The following ARFGEF2 variants were observed in gnomAD, a reference collection of about 807,000 sequenced individuals.
ARFGEF2 encodes brefeldin A-inhibited guanine nucleotide-exchange protein 2.
ARFGEF2 carries 74 observed loss-of-function variants against 219.9 expected under a neutral mutation model. That is an observed-to-expected ratio of 0.34 (90% CI 0.28 to 0.41). The LOEUF (loss-of-function observed/expected upper bound fraction) is 0.41. Among genes scored for constraint, ARFGEF2 ranks in the 10% least tolerant of loss-of-function variants. ARFGEF2 has a pLI of 1.00. For missense variants in ARFGEF2, 1,743 were observed against 2,218.3 expected (o/e 0.79, Z 4.30); for synonymous variants, 733 against 799.2 (o/e 0.92, Z 1.40).
chr20:48,935,085 T>G (rs140468301), intron 1 of ARFGEF2, among the ~76,000 whole-genome samples: 1,866 of 124,254 alleles, frequency 0.015, 17 homozygotes, highest in Non-Finnish European at 0.023. Context: ...TGGTTTTGAT[T>G]TGCATTTCTC....
At position 49,035,992 on chromosome 20, in the gene ARFGEF2, T is replaced by TG. The variant is rs1385770474; in HGVS notation, c.*2794dup. The TG allele has an allele frequency of 5.8e-6, 2 of 347,580 alleles. No homozygotes were observed. The highest frequency in any genetic ancestry group is 5.0e-5 in the Admixed American group (1 of 20,148). The allele number at this position is 347,580 out of a possible 1,614,324, so 21.5% of individuals were successfully genotyped here. A position where few individuals can be genotyped will look rare whatever the true frequency, so the allele number is the denominator to read the frequency against. The stretch of plus-strand genomic sequence containing the variant: ...TCTGGCAGGTGACTTTTGTACGAAA[T>TG]GAAAAAAAAAAAACCTGTATTTTTT... On this transcript the variant is annotated 3_prime_UTR_variant, in exon 39 of 39. Coordinates refer to ENST00000371917, the MANE Select transcript of ARFGEF2 (RefSeq NM_006420.3).
chr20:49,033,010 C>T lies in ARFGEF2; in HGVS notation c.5182-13C>T, dbSNP rs371692442. On this transcript the variant is annotated splice_polypyrimidine_tract_variant and intron_variant, in intron 38 of 38. Coordinates refer to ENST00000371917, the MANE Select transcript of ARFGEF2 (RefSeq NM_006420.3). ...AAATTGTCTAATTTTATCTGTTTCT[C>T]TCCCACCTCAAGTTCAAAGCACATG... The T allele has an allele frequency of 2.5e-6, 4 of 1,613,452 alleles. No homozygotes were observed. Among genetic ancestry groups the T allele is most frequent in the Non-Finnish European group, 3.4e-6 (4 of 1,179,520 alleles).
intron 37 of ARFGEF2, among the ~76,000 whole-genome samples, chr20:49,029,595 A>ATT (rs71184247): frequency 1.4e-5 from 2 of 147,068 alleles, no homozygotes; most frequent in African/African-American, 5.0e-5. Flanking sequence ...TTAAAAGTGA[A>ATT]TTTTTTTTTT....
At chr20:48,953,138 G>A (rs1215826924) in intron 5 of ARFGEF2, among the ~76,000 whole-genome samples, 1 of 150,664 alleles carries the variant, frequency 6.6e-6, no homozygotes, top group Admixed American at 6.6e-5. Flanking sequence ...CTTTTGGCTG[G>A]AATTTTTCTT....
intron 30 of ARFGEF2, 113 bp from the exon 31 acceptor site, chr20:49,016,167 C>A: frequency 9.2e-7 from 1 of 1,084,938 alleles, no homozygotes; most frequent in Non-Finnish European, 1.4e-6. Flanking sequence ...AAGACGTATT[C>A]TTGATACATA....
intron 14 of ARFGEF2, among the ~76,000 whole-genome samples, chr20:48,981,275 A>AGCC (rs2091294043): frequency 6.6e-6 from 1 of 152,158 alleles, no homozygotes; most frequent in African/African-American, 2.4e-5. Flanking sequence ...TCTGGGTTGA[A>AGCC]AGTTCTTTTC....
intron 1 of ARFGEF2, among the ~76,000 whole-genome samples, chr20:48,927,032 G>A (rs965047144): frequency 5.9e-5 from 9 of 152,190 alleles, no homozygotes; most frequent in African/African-American, 2.2e-4. Context: ...GGGTTGAGGC[G>A]TGGGAGGTGA....
intron 8 of ARFGEF2, among the ~76,000 whole-genome samples, chr20:48,968,229 G>C (rs1168765747): frequency 6.6e-6 from 1 of 151,992 alleles, no homozygotes; most frequent in Non-Finnish European, 1.5e-5. Context: ...TCCTGACCTC[G>C]TGATTCGCCC....
At chr20:48,929,414 T>C (rs2090899474) in intron 1 of ARFGEF2, among the ~76,000 whole-genome samples, 2 of 152,230 alleles carry the variant, frequency 1.3e-5, no homozygotes, top group Admixed American at 1.3e-4. Flanking sequence ...ACCCAACATT[T>C]ATTCAGAAGA....
At chr20:48,933,964 A>G (rs2090930387) in intron 1 of ARFGEF2, among the ~76,000 whole-genome samples, 1 of 152,024 alleles carries the variant, frequency 6.6e-6, no homozygotes, top group Non-Finnish European at 1.5e-5. Context: ...TACTAAAAAT[A>G]TAAAAATTAA....
chr20:48,994,722 C>A, intron 22 of ARFGEF2, 124 bp downstream of exon 22: 2 of 1,400,310 alleles, frequency 1.4e-6, no homozygotes, highest in Non-Finnish European at 2.0e-6. Context: ...TGACAGTGTT[C>A]ATGAATGCAA....
At position 49,005,055 on chromosome 20, in the gene ARFGEF2, C is replaced by G; in HGVS notation, c.3433-15C>G. 2 of 1,614,110 alleles carry G rather than the reference C, an allele frequency of 1.2e-6. No homozygotes were observed. The highest frequency in any genetic ancestry group is 1.1e-5 in the South Asian group (1 of 91,078). ...ACACTATACCTGTTTCACATCAGTT[C>G]CTGTTCTTGTTCAGGTTGGCTGCAA... On this transcript the variant is annotated splice_polypyrimidine_tract_variant and intron_variant, in intron 25 of 38. Transcript: ENST00000371917.
At chr20:48,989,177 G>A (rs1271811685) in intron 18 of ARFGEF2, 108 bp from the exon 19 acceptor site, 1 of 1,261,952 alleles carries the variant, frequency 7.9e-7, no homozygotes, top group Non-Finnish European at 1.1e-6. Flanking sequence ...TCACGAGATG[G>A]TTGGGAGGAT....
Position 48,999,178 on chromosome 20 carries a change from C to T in ARFGEF2, c.3432+673C>T, listed in dbSNP as rs147073522. 708 of 405,824 alleles carry T rather than the reference C, an allele frequency of 1.7e-3. 6 individuals carry two copies. The highest frequency in any genetic ancestry group is 0.013 in the African/African-American group (644 of 47,962). The allele number at this position is 405,824 out of a possible 1,614,324, so 25.1% of individuals were successfully genotyped here. Reference sequence around the variant, plus strand: ...GCTTGAACCTGGGAGGTGGAGGTTGCAGTGAGTCGAGATCGCACCACTGCA... The same window carrying T: ...GCTTGAACCTGGGAGGTGGAGGTTGTAGTGAGTCGAGATCGCACCACTGCA... On this transcript the variant is annotated intron_variant, in intron 25 of 38. Transcript: ENST00000371917.
chr20:49,031,635 C>T (rs2091635125), intron 37 of ARFGEF2, among the ~76,000 whole-genome samples: 1 of 152,020 alleles, frequency 6.6e-6, no homozygotes, highest in South Asian at 2.1e-4. Flanking sequence ...AGTGGCTGGG[C>T]TCAGAGGCTC....
chr20:48,949,258 C>T (rs1418635903), intron 3 of ARFGEF2, among the ~76,000 whole-genome samples: 2 of 152,320 alleles, frequency 1.3e-5, no homozygotes, highest in East Asian at 3.9e-4. Flanking sequence ...CCATGTCCAG[C>T]CTGCTTTGTG....
intron 30 of ARFGEF2, 119 bp downstream of exon 30, chr20:49,014,079 AAGGTTTTAAAAATGGAAACACCT>A: frequency 7.3e-7 from 1 of 1,365,394 alleles, no homozygotes; most frequent in East Asian, 2.4e-5. Context: ...TGAGCAACTT[AAGGTTTTAAAAATGGAAACACCT>A]TTCTGATACT....
At chr20:48,960,942 T>A (rs897459705) in intron 6 of ARFGEF2, among the ~76,000 whole-genome samples, 2 of 151,320 alleles carry the variant, frequency 1.3e-5, no homozygotes, top group Non-Finnish European at 3.0e-5. Flanking sequence ...TAGCTGGGCA[T>A]GGTGGTGCAC....
At chr20:49,022,754 T>C (rs552682838) in intron 34 of ARFGEF2, among the ~76,000 whole-genome samples, 7 of 152,338 alleles carry the variant, frequency 4.6e-5, no homozygotes, top group African/African-American at 1.4e-4. Context: ...TCATTTATTG[T>C]CTGTCAACAC....
Sources: gnomAD v4.1 joint callset for allele counts (sites outside exome capture counted in the v4.1 genomes callset) on GRCh38, gnomAD v4.1.1 for gene constraint, MANE v1.5 for transcripts, NCBI Gene and HGNC (gene_info 2026-07-23, HGNC 2026-07-21) for gene names.